Variants in CMIP observed in about 807,000 individuals in gnomAD.
CMIP encodes c-Maf inducing protein.
In CMIP, 13 loss-of-function variants were observed where a neutral mutation model predicts 97.3. The observed-to-expected ratio is 0.13, with a 90% CI of 0.09 to 0.21. The LOEUF is 0.21. CMIP is among the 10% of genes least tolerant of loss of function. The probability of loss-of-function intolerance (pLI) is 1.00; values close to 1 mark genes in which losing one functional copy is unlikely to be tolerated. For missense variants in CMIP, 847 were observed against 1,024.9 expected (o/e 0.83, Z 2.37); for synonymous variants, 538 against 436.3 (o/e 1.23, Z -2.91).
intron 5 of CMIP, among the ~76,000 whole-genome samples, chr16:81,658,367 C>G (rs1406418466): frequency 6.6e-6 from 1 of 152,232 alleles, no homozygotes; most frequent in Non-Finnish European, 1.5e-5. Flanking sequence ...ATTGCACCTG[C>G]TAGATGGTAA....
intron 3 of CMIP, among the ~76,000 whole-genome samples, chr16:81,641,032 G>A (rs1470939632): frequency 2.0e-5 from 3 of 152,214 alleles, no homozygotes; most frequent in Non-Finnish European, 4.4e-5. Context: ...AATGAGGCTT[G>A]TGGGTGAGAA....
In CMIP at chr16:81,597,657, A is replaced by C. The variant is rs572581462; in HGVS notation, c.301-9910A>C. 3.3e-5 allele frequency among the ~76,000 whole-genome samples: 5 copies of C among 151,796 alleles called. No homozygotes were observed. The South Asian group carries it at 1.0e-3, about 32-fold the overall frequency. On this transcript the variant is annotated intron_variant, in intron 1 of 20. Transcript: ENST00000537098. Reference sequence around the variant, plus strand: ...CTAGAGCAGGGGGCGGGACACCTGCACCCAGGCCCTCCACCAACTCCGTGG... The same window carrying C: ...CTAGAGCAGGGGGCGGGACACCTGCCCCCAGGCCCTCCACCAACTCCGTGG...
At position 81,698,407 on chromosome 16, in the gene CMIP, G is replaced by A. The variant is rs535685721; in HGVS notation, c.1639-1278G>A. Among the ~76,000 whole-genome samples the A allele has an allele frequency of 1.4e-4, 21 of 152,304 alleles. No individual in the cohort carries two copies. In the East Asian group the frequency reaches 2.9e-3, roughly 21 times the overall value. The stretch of plus-strand genomic sequence containing the variant: ...TTGCCAATTCTTGGATTCCTGGGGC[G>A]CAGGCAGTCTCCCAAAACACCCTTC... On this transcript the variant is annotated intron_variant, in intron 14 of 20. Transcript: ENST00000537098.
chr16:81,635,039 C>T (rs906992731), intron 3 of CMIP, among the ~76,000 whole-genome samples: 6 of 152,170 alleles, frequency 3.9e-5, no homozygotes, highest in South Asian at 2.1e-4. Flanking sequence ...CTAGGAAACT[C>T]GCCTGGGGCT....
intron 7 of CMIP, 86 bp downstream of exon 7, chr16:81,664,435 A>T: frequency 3.0e-6 from 4 of 1,319,590 alleles, no homozygotes; most frequent in Non-Finnish European, 3.1e-6. Flanking sequence ...GTTGGCACAG[A>T]TTTGGGGAAT....
chr16:81,637,874 G>A (rs1395790937), intron 3 of CMIP, among the ~76,000 whole-genome samples: 3 of 152,070 alleles, frequency 2.0e-5, no homozygotes, highest in Non-Finnish European at 4.4e-5. Context: ...GTGAGGGCTC[G>A]CTCCCTGCGT....
chr16:81,672,532 T>A (rs1597229288), intron 9 of CMIP, among the ~76,000 whole-genome samples: 1 of 152,212 alleles, frequency 6.6e-6, no homozygotes, highest in East Asian at 1.9e-4. Context: ...TGTCTAGTCT[T>A]GGCTTTGAGA....
intron 2 of CMIP, chr16:81,619,104 G>A (rs36047918): frequency 0.068 from 10,275 of 152,184 alleles, 703 homozygotes; most frequent in East Asian, 0.21. Context: ...CGACAGAGCC[G>A]AGACTTGAAC....
intron 1 of CMIP, 98 bp from the exon 2 acceptor site, chr16:81,607,469 C>T (rs1198602676): frequency 1.3e-5 from 19 of 1,482,136 alleles, no homozygotes; most frequent in Admixed American, 1.8e-5. Flanking sequence ...ATTTGCCTGT[C>T]GCCAGAGGGG....
At chr16:81,694,790 G>A (rs1906514578) in intron 13 of CMIP, among the ~76,000 whole-genome samples, 1 of 152,168 alleles carries the variant, frequency 6.6e-6, no homozygotes, top group African/African-American at 2.4e-5. Flanking sequence ...ACCGAGTTCT[G>A]GAGGGATCTT....
intron 1 of CMIP, among the ~76,000 whole-genome samples, chr16:81,552,415 T>TC (rs760048088): frequency 2.6e-5 from 4 of 151,986 alleles, no homozygotes; most frequent in Admixed American, 1.3e-4. Context: ...CCAAAACAGA[T>TC]CCCCCTGGGC....
At chr16:81,690,462 C>G (rs939280990) in intron 10 of CMIP, among the ~76,000 whole-genome samples, 6 of 152,196 alleles carry the variant, frequency 3.9e-5, no homozygotes, top group Non-Finnish European at 8.8e-5. Flanking sequence ...AAGTATCCAC[C>G]AAGGCCAGGC....
At chr16:81,556,440 C>G (rs2090765488) in intron 1 of CMIP, among the ~76,000 whole-genome samples, 1 of 152,166 alleles carries the variant, frequency 6.6e-6, no homozygotes, top group South Asian at 2.1e-4. Context: ...TGGCTGCACC[C>G]TTTTATATTC....
At chr16:81,699,126 G>T (rs545721997) in intron 14 of CMIP, among the ~76,000 whole-genome samples, 2 of 152,142 alleles carry the variant, frequency 1.3e-5, no homozygotes, top group Non-Finnish European at 2.9e-5. Context: ...GGTGGTGCAT[G>T]CCTGTAATCC....
chr16:81,461,436 C>T (rs189105702), intron 1 of CMIP, among the ~76,000 whole-genome samples: 6 of 152,214 alleles, frequency 3.9e-5, no homozygotes, highest in African/African-American at 1.2e-4. Context: ...TTGCCTTGAC[C>T]GTGGTAGACA....
chr16:81,636,046 G>T (rs16955701), intron 3 of CMIP, among the ~76,000 whole-genome samples: 6,475 of 151,528 alleles, frequency 0.043, 418 homozygotes, highest in African/African-American at 0.14. Flanking sequence ...CTGAAACTTA[G>T]GTGCAGTTTT....
At chr16:81,705,433 C>A (rs1410701155) in intron 18 of CMIP, 66 bp from the exon 19 acceptor site, 17 of 1,176,436 alleles carry the variant, frequency 1.4e-5, no homozygotes, top group Non-Finnish European at 2.1e-5. Context: ...TCCACCTCTG[C>A]CCCAGCCTCA....
chr16:81,471,507 CAT>C (rs1392716360), intron 1 of CMIP, among the ~76,000 whole-genome samples: 3 of 152,152 alleles, frequency 2.0e-5, no homozygotes, highest in Non-Finnish European at 4.4e-5. Flanking sequence ...TACATATACA[CAT>C]GTGCAGACAT....
chr16:81,610,845 G>A (rs934107938), intron 2 of CMIP, among the ~76,000 whole-genome samples: 2 of 152,116 alleles, frequency 1.3e-5, no homozygotes, highest in African/African-American at 4.8e-5. Context: ...TCTGCTTTGA[G>A]AGGCTGTACT....
Sources: gnomAD v4.1 joint callset for allele counts (sites outside exome capture counted in the v4.1 genomes callset) on GRCh38, gnomAD v4.1.1 for gene constraint, MANE v1.5 for transcripts, NCBI Gene and HGNC (gene_info 2026-07-23, HGNC 2026-07-21) for gene names.